TXLNB: variants seen among roughly 807,000 people sequenced by gnomAD.
TXLNB encodes the protein beta-taxilin.
TXLNB carries 37 observed loss-of-function variants against 57.4 expected under a neutral mutation model. The ratio of observed to expected loss-of-function variants is 0.64; its 90% CI spans 0.50 to 0.85. The LOEUF is 0.85. TXLNB is among the 40% of genes least tolerant of loss of function. TXLNB has a pLI of 0.00. For missense variants in TXLNB, 848 were observed against 825.6 expected (o/e 1.03, Z -0.33); for synonymous variants, 302 against 309.6 (o/e 0.98, Z 0.26).
At chr6:139,258,730 C>A (rs1049232477) in intron 6 of TXLNB, among the ~76,000 whole-genome samples, 1 of 152,180 alleles carries the variant, frequency 6.6e-6, no homozygotes, top group Admixed American at 6.5e-5. Flanking sequence ...CTCTCTCTCA[C>A]CCCAGCAACA....
chr6:139,167,777 G>A, the TXLNB span, among the ~76,000 whole-genome samples: 1 of 152,214 alleles, frequency 6.6e-6, no homozygotes, highest in Non-Finnish European at 1.5e-5. Context: ...TGAAAGATGA[G>A]AGTGTGTTGA....
chr6:139,309,732 T>C, the TXLNB span, among the ~76,000 whole-genome samples: 1 of 152,158 alleles, frequency 6.6e-6, no homozygotes, highest in African/African-American at 2.4e-5. Context: ...GGAGACCAGC[T>C]TGGCAACATA....
At chr6:139,245,464 G>A (rs1562271491) in intron 8 of TXLNB, 2 of 152,154 alleles carry the variant, frequency 1.3e-5, no homozygotes, top group African/African-American at 4.8e-5. Context: ...TTGTTTGTAG[G>A]ATCTCTTCTT....
the TXLNB span, among the ~76,000 whole-genome samples, chr6:139,213,786 C>T: frequency 7.8e-3 from 1,192 of 152,066 alleles, 17 homozygotes; most frequent in African/African-American, 0.028. Context: ...TAAAAAATGA[C>T]AAAGGGGATA....
At chr6:139,277,852 C>T (rs1381013237) in intron 2 of TXLNB, among the ~76,000 whole-genome samples, 1 of 152,162 alleles carries the variant, frequency 6.6e-6, no homozygotes, top group African/African-American at 2.4e-5. Context: ...CCCACACTTC[C>T]TGACATAAAT....
the TXLNB span, among the ~76,000 whole-genome samples, chr6:139,233,673 AG>A: frequency 1.3e-5 from 2 of 152,098 alleles, no homozygotes; most frequent in Non-Finnish European, 2.9e-5. Context: ...AAGTTTCCTG[AG>A]GCCTCCCCAG....
the TXLNB span, among the ~76,000 whole-genome samples, chr6:139,312,534 T>C: frequency 6.6e-6 from 1 of 152,112 alleles, no homozygotes; most frequent in Non-Finnish European, 1.5e-5. Flanking sequence ...AAAATGACAG[T>C]ATAATTTTAT....
At chr6:139,192,685 C>A in the TXLNB span, among the ~76,000 whole-genome samples, 1 of 152,198 alleles carries the variant, frequency 6.6e-6, no homozygotes, top group East Asian at 1.9e-4. Context: ...TGGCTCACGC[C>A]TGTAATCCCA....
chr6:139,161,445 T>C, the TXLNB span, among the ~76,000 whole-genome samples: 1 of 152,078 alleles, frequency 6.6e-6, no homozygotes, highest in Non-Finnish European at 1.5e-5. Flanking sequence ...GCTGTGAACA[T>C]GACAAACACT....
At chr6:139,191,987 T>TA in the TXLNB span, among the ~76,000 whole-genome samples, 1 of 152,220 alleles carries the variant, frequency 6.6e-6, no homozygotes, top group South Asian at 2.1e-4. Context: ...ATTCATTTTT[T>TA]AATAACCTAA....
At chr6:139,183,514 T>C in the TXLNB span, 1 of 152,214 alleles carries the variant, frequency 6.6e-6, no homozygotes, top group African/African-American at 2.4e-5. Context: ...TTTACTGATT[T>C]CATTTTCTGA....
At chr6:139,272,463 G>T (rs144694693) in intron 3 of TXLNB, among the ~76,000 whole-genome samples, 67 of 152,144 alleles carry the variant, frequency 4.4e-4, no homozygotes, top group African/African-American at 1.6e-3. Flanking sequence ...ATAAAGCTAA[G>T]GATATGTATA....
intron 6 of TXLNB, among the ~76,000 whole-genome samples, chr6:139,257,242 A>G (rs1776367939): frequency 6.6e-6 from 1 of 152,164 alleles, no homozygotes; most frequent in Non-Finnish European, 1.5e-5. Flanking sequence ...AAAAATACTT[A>G]TGAAGCAGCT....
At chr6:139,261,046 G>A (rs547039360) in intron 5 of TXLNB, among the ~76,000 whole-genome samples, 151 of 152,278 alleles carry the variant, frequency 9.9e-4, no homozygotes, top group Admixed American at 4.8e-3. Flanking sequence ...CAAATGTGCA[G>A]AGCTCGCCAC....
At chr6:139,253,668 T>C (rs910443709) in intron 7 of TXLNB, among the ~76,000 whole-genome samples, 4 of 151,648 alleles carry the variant, frequency 2.6e-5, no homozygotes, top group African/African-American at 7.3e-5. Context: ...TTTGAGGGGG[T>C]ATAAGGGGGA....
intron 3 of TXLNB, among the ~76,000 whole-genome samples, chr6:139,273,178 T>G (rs1776810136): frequency 6.6e-6 from 1 of 152,250 alleles, no homozygotes; most frequent in African/African-American, 2.4e-5. Flanking sequence ...GGCCAGATAA[T>G]TTTTTGTTGT....
intron 2 of TXLNB, among the ~76,000 whole-genome samples, chr6:139,282,310 C>T (rs994826185): frequency 6.8e-6 from 1 of 146,810 alleles, no homozygotes. Context: ...GGCGCGGTGG[C>T]TCACGTCTGC....
the TXLNB span, among the ~76,000 whole-genome samples, chr6:139,304,827 G>A: frequency 6.6e-6 from 1 of 152,142 alleles, no homozygotes; most frequent in Non-Finnish European, 1.5e-5. Flanking sequence ...CAATCCAGAG[G>A]TATTTGTGTC....
chr6:139,323,882 G>C, the TXLNB span, among the ~76,000 whole-genome samples: 29 of 152,278 alleles, frequency 1.9e-4, no homozygotes, highest in African/African-American at 5.5e-4. Context: ...TTACAACAGG[G>C]GACAGTCAAC....
Sources: gnomAD v4.1 joint callset for allele counts (sites outside exome capture counted in the v4.1 genomes callset) on GRCh38, gnomAD v4.1.1 for gene constraint, MANE v1.5 for transcripts, NCBI Gene and HGNC (gene_info 2026-07-23, HGNC 2026-07-21) for gene names.